The following RIC1 variants were observed in gnomAD, a reference collection of about 807,000 sequenced individuals.
The protein encoded by RIC1 is guanine nucleotide exchange factor subunit RIC1.
Under a neutral mutation model 169.0 loss-of-function variants are expected in RIC1, and 88 were observed. The observed-to-expected ratio is 0.52, with a 90% CI of 0.44 to 0.62. The LOEUF (loss-of-function observed/expected upper bound fraction) is 0.62. Ranked by LOEUF, RIC1 falls within the 20% of genes least tolerant of loss-of-function variation. RIC1 has a pLI of 0.00. For missense variants in RIC1, 1,877 were observed against 1,725.5 expected (o/e 1.09, Z -1.56); for synonymous variants, 790 against 601.5 (o/e 1.31, Z -4.59).
At chr9:5,656,165 T>G (rs1157941185) in intron 1 of RIC1, among the ~76,000 whole-genome samples, 1 of 152,170 alleles carries the variant, frequency 6.6e-6, no homozygotes, top group African/African-American at 2.4e-5. Flanking sequence ...CCACCGCGCC[T>G]GGCCTGTAGT....
chr9:5,683,540 G>A (rs1820994160), intron 2 of RIC1, among the ~76,000 whole-genome samples: 1 of 152,198 alleles, frequency 6.6e-6, no homozygotes, highest in African/African-American at 2.4e-5. Context: ...GCCGTGTGAA[G>A]TGTCAGTCTG....
chr9:5,729,650 A>C lies in RIC1; in HGVS notation c.721-2738A>C, dbSNP rs928118669. On this transcript the variant is annotated intron_variant, in intron 6 of 25. Coordinates refer to ENST00000414202, the MANE Select transcript of RIC1 (RefSeq NM_020829.4). The stretch of plus-strand genomic sequence containing the variant: ...TATTTATATTCAGTCATCTCTCTTT[A>C]ACTGGAAAGGAATTTAAGTTTTTAA... 5.9e-5 allele frequency among the ~76,000 whole-genome samples: 9 copies of C among 152,230 alleles called. 1 individual carries two copies. The highest frequency in any genetic ancestry group is 2.2e-4 in the African/African-American group (9 of 41,552).
downstream of RIC1, among the ~76,000 whole-genome samples, chr9:5,778,477 G>A (rs1827695469): frequency 6.6e-6 from 1 of 152,176 alleles, no homozygotes; most frequent in Non-Finnish European, 1.5e-5. Context: ...ATCTTAGGGA[G>A]AAGCTTTCTC....
At chr9:5,700,494 A>C (rs191492398) in intron 3 of RIC1, among the ~76,000 whole-genome samples, 2 of 152,092 alleles carry the variant, frequency 1.3e-5, no homozygotes, top group Non-Finnish European at 2.9e-5. Flanking sequence ...AAATCTTAAA[A>C]ATCTATTCGT....
intron 4 of RIC1, among the ~76,000 whole-genome samples, chr9:5,714,480 A>G (rs965374112): frequency 3.3e-5 from 5 of 152,168 alleles, no homozygotes; most frequent in African/African-American, 9.6e-5. Context: ...TTTTATACCC[A>G]TTGGTAGAAA....
chr9:5,666,020 T>C lies in RIC1; in HGVS notation c.252+9330T>C. ...TATGGGCTCTCCAGGACCCACAGGC[T>C]GGACTGATTGAGAAGCCTGAATGCC... is the stretch of plus-strand genomic sequence containing the variant. On this transcript the variant is annotated intron_variant, in intron 2 of 25. Coordinates refer to ENST00000414202, the MANE Select transcript of RIC1 (RefSeq NM_020829.4). 1.3e-5 allele frequency among the ~76,000 whole-genome samples: 2 copies of C among 152,192 alleles called. 1 individual carries two copies. The highest frequency in any genetic ancestry group is 3.9e-4 in the East Asian group (2 of 5,190).
intron 2 of RIC1, among the ~76,000 whole-genome samples, chr9:5,658,704 C>T (rs1370698732): frequency 2.6e-5 from 4 of 151,968 alleles, no homozygotes; most frequent in African/African-American, 4.8e-5. Context: ...AAATATAAGA[C>T]TTTTAAAACC....
At chr9:5,665,483 G>C (rs1000866278) in intron 2 of RIC1, among the ~76,000 whole-genome samples, 3 of 152,168 alleles carry the variant, frequency 2.0e-5, no homozygotes, top group Admixed American at 2.0e-4. Context: ...GCCCTTGCTG[G>C]AGAGGTGTTG....
At chr9:5,673,876 TAA>T (rs915882262) in intron 2 of RIC1, among the ~76,000 whole-genome samples, 1 of 152,094 alleles carries the variant, frequency 6.6e-6, no homozygotes, top group African/African-American at 2.4e-5. Context: ...AGAAGAATGT[TAA>T]GTTTATACAA....
At chr9:5,698,776 T>G (rs1417207258) in intron 3 of RIC1, among the ~76,000 whole-genome samples, 2 of 152,216 alleles carry the variant, frequency 1.3e-5, no homozygotes, top group East Asian at 3.8e-4. Context: ...TCTTAATAAG[T>G]TGCAACTGGT....
intron 7 of RIC1, 51 bp downstream of exon 7, chr9:5,732,530 T>C (rs1824432549): frequency 1.6e-6 from 2 of 1,235,258 alleles, no homozygotes; most frequent in Non-Finnish European, 1.1e-6. Context: ...CAAAAAATAC[T>C]GGTTTTTTTT....
chr9:5,650,095 C>G (rs11531777), intron 1 of RIC1, among the ~76,000 whole-genome samples: 45,446 of 151,974 alleles, frequency 0.3, 7,901 homozygotes, highest in East Asian at 0.59. Flanking sequence ...TGTGCCTGTC[C>G]TTCGGCCCCA....
intron 2 of RIC1, among the ~76,000 whole-genome samples, chr9:5,657,727 C>T (rs948643890): frequency 2.0e-5 from 3 of 152,096 alleles, no homozygotes; most frequent in South Asian, 2.1e-4. Flanking sequence ...AGTAGTTCTA[C>T]GCTTCCTATA....
chr9:5,750,816 A>G (rs1363443734), intron 12 of RIC1, among the ~76,000 whole-genome samples: 1 of 151,422 alleles, frequency 6.6e-6, no homozygotes, highest in African/African-American at 2.4e-5. Context: ...ATTCCCTTTT[A>G]TCAAGTATTA....
intron 3 of RIC1, among the ~76,000 whole-genome samples, chr9:5,704,357 T>G (rs944120704): frequency 3.9e-5 from 6 of 151,974 alleles, no homozygotes; most frequent in African/African-American, 7.3e-5. Flanking sequence ...ACTACAGGCA[T>G]GCACCACCAC....
chr9:5,773,139 T>C, intron 25 of RIC1, 59 bp downstream of exon 25: 1 of 1,074,144 alleles, frequency 9.3e-7, no homozygotes, highest in Non-Finnish European at 1.3e-6. Context: ...AATCCTGTCC[T>C]TTCACATTAA....
chr9:5,684,057 A>G (rs1452534309), intron 2 of RIC1, among the ~76,000 whole-genome samples: 1 of 152,004 alleles, frequency 6.6e-6, no homozygotes, highest in African/African-American at 2.4e-5. Context: ...CCTTTCTTTG[A>G]CTAGGAAAGG....
intron 3 of RIC1, among the ~76,000 whole-genome samples, chr9:5,706,409 A>G (rs1247247556): frequency 6.6e-6 from 1 of 152,100 alleles, no homozygotes; most frequent in Non-Finnish European, 1.5e-5. Flanking sequence ...CTGAGATCGC[A>G]CCACTGCACT....
intron 3 of RIC1, among the ~76,000 whole-genome samples, chr9:5,697,654 A>G (rs577773921): frequency 1.4e-4 from 21 of 152,334 alleles, no homozygotes; most frequent in African/African-American, 4.8e-4. Context: ...TTTTAGGAAA[A>G]GAAATCGTTC....
Sources: gnomAD v4.1 joint callset for allele counts (sites outside exome capture counted in the v4.1 genomes callset) on GRCh38, gnomAD v4.1.1 for gene constraint, MANE v1.5 for transcripts, NCBI Gene and HGNC (gene_info 2026-07-23, HGNC 2026-07-21) for gene names.